Variants in NR1I2 observed in about 807,000 individuals in gnomAD.
The protein encoded by NR1I2 is orphan nuclear receptor PAR1.
In NR1I2, 42 loss-of-function variants were observed where a neutral mutation model predicts 43.3. That is an observed-to-expected ratio of 0.97 (90% confidence interval 0.76 to 1.26). The LOEUF (loss-of-function observed/expected upper bound fraction) is 1.26. Among genes scored for constraint, NR1I2 ranks in the 50% most tolerant of loss-of-function variants. The pLI, the probability that NR1I2 is intolerant of heterozygous loss-of-function variation, is 0.00. For missense variants in NR1I2, 559 were observed against 566.7 expected (o/e 0.99, Z 0.14); for synonymous variants, 229 against 215.0 (o/e 1.06, Z -0.57).
Position 119,810,167 on chromosome 3 carries a change from T to C in NR1I2, c.304T>C (p.Cys102Arg), listed in dbSNP as rs761016051. 1.2e-6 allele frequency: 2 copies of C among 1,611,820 alleles called. No individual in the cohort carries two copies. Among genetic ancestry groups the C allele is most frequent in the Non-Finnish European group, 1.7e-6 (2 of 1,179,258 alleles). Residue 102 changes from cysteine to arginine, a missense_variant, in exon 3 of 9, where the codon TGC becomes CGC. By Grantham distance (180) the Cys-to-Arg change is radical (BLOSUM62 -3). Coordinates refer to ENST00000393716, the MANE Select transcript of NR1I2 (RefSeq NM_003889.4). ...GTGCCAGGCCTGCCGCCTGCGCAAG[T>C]GCCTGGAGAGCGGCATGAAGAAGGA...
intron 1 of NR1I2, among the ~76,000 whole-genome samples, chr3:119,793,300 TTCTC>T (rs1248447401): frequency 6.6e-6 from 1 of 152,092 alleles, no homozygotes; most frequent in African/African-American, 2.4e-5. Flanking sequence ...TGCCCACCCA[TTCTC>T]TTCTAGCCAA....
At chr3:119,799,863 C>T (rs1369690539) in intron 1 of NR1I2, among the ~76,000 whole-genome samples, 1 of 151,970 alleles carries the variant, frequency 6.6e-6, no homozygotes, top group African/African-American at 2.4e-5. Flanking sequence ...ACCTGTAATC[C>T]CAGCTACTCA....
intron 1 of NR1I2, chr3:119,792,497 T>C: frequency 9.2e-7 from 1 of 1,084,108 alleles, no homozygotes; most frequent in Non-Finnish European, 1.4e-6. Context: ...CTCTCGCTCT[T>C]GGAACATCAC....
intron 2 of NR1I2, 97 bp from the exon 3 acceptor site, chr3:119,809,964 C>A (rs1272729746): frequency 1.3e-6 from 2 of 1,501,472 alleles, no homozygotes; most frequent in Non-Finnish European, 1.8e-6. Context: ...CTCCCCGAGT[C>A]GGTAGGGGCT....
chr3:119,812,990 T>TG (rs1402197532), intron 5 of NR1I2, 30 bp downstream of exon 5: 1 of 1,608,842 alleles, frequency 6.2e-7, no homozygotes. Context: ...TGGTTGGGTG[T>TG]GGAAAAGAAC....
At chr3:119,794,340 G>A (rs2054964789) in intron 1 of NR1I2, among the ~76,000 whole-genome samples, 1 of 151,538 alleles carries the variant, frequency 6.6e-6, no homozygotes, top group Non-Finnish European at 1.5e-5. Context: ...CCACAGGTAC[G>A]TGCCACCACA....
chr3:119,805,717 C>CCCCCAAA (rs561350711), intron 1 of NR1I2, among the ~76,000 whole-genome samples: 1 of 96,622 alleles, frequency 1.0e-5, no homozygotes, highest in Non-Finnish European at 2.0e-5. Context: ...TCCCCCCCAC[C>CCCCCAAA]AAAAAAAAAA....
intron 2 of NR1I2, among the ~76,000 whole-genome samples, chr3:119,808,297 C>T (rs1306127095): frequency 6.6e-6 from 1 of 152,250 alleles, no homozygotes; most frequent in Non-Finnish European, 1.5e-5. Flanking sequence ...CTTGTGGGGG[C>T]ACAGTGCTGG....
At chr3:119,805,352 A>AT (rs557163180) in intron 1 of NR1I2, among the ~76,000 whole-genome samples, 269 of 152,162 alleles carry the variant, frequency 1.8e-3, no homozygotes, top group African/African-American at 6.1e-3. Flanking sequence ...ATTATATGTG[A>AT]TTATTTGTGC....
chr3:119,815,250 A>C (rs142129698), intron 6 of NR1I2, 73 bp from the exon 7 acceptor site: 1 of 1,569,280 alleles, frequency 6.4e-7, no homozygotes, highest in African/African-American at 1.3e-5. Flanking sequence ...GGAAAACAAG[A>C]TATTGGTGAG....
intron 1 of NR1I2, among the ~76,000 whole-genome samples, chr3:119,794,673 C>T (rs1234137076): frequency 6.6e-6 from 1 of 152,168 alleles, no homozygotes; most frequent in African/African-American, 2.4e-5. Context: ...CGCCATGGTT[C>T]ATGCCTGTAA....
At chr3:119,815,497 G>A in intron 7 of NR1I2, 58 bp downstream of exon 7, 1 of 1,418,392 alleles carries the variant, frequency 7.1e-7, no homozygotes, top group South Asian at 1.1e-5. Context: ...CCCTCCCCAG[G>A]GAAGGTCCCA....
At chr3:119,816,043 C>G (rs72965102) in intron 8 of NR1I2, among the ~76,000 whole-genome samples, 2 of 152,190 alleles carry the variant, frequency 1.3e-5, no homozygotes, top group Non-Finnish European at 2.9e-5. Context: ...GGCTTCTATA[C>G]CTTCACTGGT....
At position 119,812,809 on chromosome 3, in the gene NR1I2, C is replaced by G. The variant is rs779954489; in HGVS notation, c.643C>G (p.Leu215Val). Residue 215 changes from leucine (L) to valine (V), a missense_variant, in exon 5 of 9, where the codon CTG (leucine) becomes GTG (valine). By Grantham distance (32) the Leu-to-Val change is conservative (BLOSUM62 1). Coordinates refer to ENST00000393716, the MANE Select transcript of NR1I2 (RefSeq NM_003889.4). The stretch of plus-strand genomic sequence containing the variant: ...GTGCTCTTTGAAGGTCTCTCTGCAG[C>G]TGCGGGGGGAGGATGGCAGTGTCTG... The G allele has an allele frequency of 9.7e-5, 157 of 1,614,118 alleles. No homozygotes were observed. The highest frequency in any genetic ancestry group is 1.3e-4 in the Non-Finnish European group (151 of 1,180,058).
chr3:119,801,510 G>T (rs1169895367), intron 1 of NR1I2, among the ~76,000 whole-genome samples: 2 of 152,230 alleles, frequency 1.3e-5, no homozygotes, highest in African/African-American at 2.4e-5. Context: ...GCAACATTCT[G>T]TAAAGGAACA....
At chr3:119,802,767 A>G (rs2055098128) in intron 1 of NR1I2, among the ~76,000 whole-genome samples, 1 of 152,160 alleles carries the variant, frequency 6.6e-6, no homozygotes, top group African/African-American at 2.4e-5. Flanking sequence ...GGTTTTTGTC[A>G]TAAGAGTGAC....
At chr3:119,809,943 C>G (rs934594943) in intron 2 of NR1I2, 118 bp from the exon 3 acceptor site, 1 of 1,332,098 alleles carries the variant, frequency 7.5e-7, no homozygotes, top group Admixed American at 1.9e-5. Context: ...GACGCAAAGG[C>G]TAGTGTCCCC....
In NR1I2 at chr3:119,814,485, T is replaced by A. The variant is rs78067837; in HGVS notation, c.795-494T>A. Among the ~76,000 whole-genome samples, 780 of 152,226 alleles carry A rather than the reference T, an allele frequency of 5.1e-3. 7 individuals carry two copies. The highest frequency in any genetic ancestry group is 0.018 in the African/African-American group (755 of 41,534). The stretch of plus-strand genomic sequence containing the variant: ...AAGCAAACATCCCCACTACTGGAAC[T>A]CAGGCCAAAAGGGCGGCACTTTCAC... On this transcript the variant is annotated intron_variant, in intron 5 of 8. Coordinates refer to ENST00000393716, the MANE Select transcript of NR1I2 (RefSeq NM_003889.4).
chr3:119,811,887 A>G (rs1285117053), intron 4 of NR1I2, among the ~76,000 whole-genome samples, 161 bp downstream of exon 4: 1 of 152,184 alleles, frequency 6.6e-6, no homozygotes, highest in Non-Finnish European at 1.5e-5. Flanking sequence ...AGCTCCTCAA[A>G]GCCTTAGTCT....
Sources: allele counts gnomAD v4.1 joint callset (sites outside exome capture counted in the v4.1 genomes callset), GRCh38; gene constraint gnomAD v4.1.1; transcripts MANE v1.5; gene names NCBI Gene and HGNC (gene_info 2026-07-23, HGNC 2026-07-21).